Variants in CSMD2 observed in about 807,000 individuals in gnomAD.
CSMD2 encodes CUB and Sushi multiple domains 2.
Under a neutral mutation model 398.5 loss-of-function variants are expected in CSMD2, and 130 were observed. The ratio of observed to expected loss-of-function variants is 0.33; its 90% CI spans 0.28 to 0.38. The LOEUF is 0.38. Ranked by LOEUF, CSMD2 falls within the 10% of genes least tolerant of loss-of-function variation. The pLI is 1.00. For missense variants in CSMD2, 3,829 were observed against 4,764.9 expected (o/e 0.80, Z 5.78); for synonymous variants, 1,828 against 1,908.5 (o/e 0.96, Z 1.10).
intron 25 of CSMD2, among the ~76,000 whole-genome samples, chr1:33,665,667 A>G (rs570898305): frequency 1.3e-5 from 2 of 151,928 alleles, no homozygotes; most frequent in South Asian, 4.2e-4. Context: ...GATTCAAGCA[A>G]TCCTCCTGCC....
At chr1:34,088,288 G>C (rs1207229134) in intron 2 of CSMD2, among the ~76,000 whole-genome samples, 1 of 152,190 alleles carries the variant, frequency 6.6e-6, no homozygotes, top group Non-Finnish European at 1.5e-5. Flanking sequence ...CAAGGCTTGT[G>C]ACAGACCCTG....
At chr1:33,599,914 C>G in intron 44 of CSMD2, 1 of 525,612 alleles carries the variant, frequency 1.9e-6, no homozygotes, top group Non-Finnish European at 3.4e-6. Flanking sequence ...ACTGTATAGT[C>G]ACACCAGAGC....
chr1:34,145,854 C>A (rs771144), intron 1 of CSMD2, among the ~76,000 whole-genome samples: 108,727 of 151,980 alleles, frequency 0.72, 41,703 homozygotes, highest in Non-Finnish European at 0.84. Flanking sequence ...GTAGAACAAG[C>A]CCCCCATCAT....
Position 33,975,486 on chromosome 1 carries a change from T to TAC in CSMD2, c.518-39534_518-39533dup, listed in dbSNP as rs57095754. Among the ~76,000 whole-genome samples the TAC allele has an allele frequency of 4.2e-3, 619 of 146,452 alleles. 3 individuals are homozygous for TAC. The highest frequency in any genetic ancestry group is 6.0e-3 in the Non-Finnish European group (400 of 66,568). On this transcript the variant is annotated intron_variant, in intron 3 of 70. Transcript: ENST00000373381. Reference sequence around the variant, plus strand: ...CCACAGATCCTCCCTCTCCCAAGTGTACACACACACACACACACACACACA... The same window carrying TAC: ...CCACAGATCCTCCCTCTCCCAAGTGTACACACACACACACACACACACACACA...
chr1:33,945,583 A>G (rs1644814891), intron 3 of CSMD2, among the ~76,000 whole-genome samples: 1 of 152,152 alleles, frequency 6.6e-6, no homozygotes, highest in South Asian at 2.1e-4. Context: ...TTTGGGATAC[A>G]GCAAGATTGC....
chr1:34,099,188 T>G (rs918207831), intron 1 of CSMD2, among the ~76,000 whole-genome samples: 1 of 152,172 alleles, frequency 6.6e-6, no homozygotes, highest in African/African-American at 2.4e-5. Flanking sequence ...AGGTACCAGA[T>G]TTACTTTGCT....
At chr1:34,150,651 G>C (rs567945867) in intron 1 of CSMD2, among the ~76,000 whole-genome samples, 1 of 152,264 alleles carries the variant, frequency 6.6e-6, no homozygotes, top group South Asian at 2.1e-4. Flanking sequence ...TGCAGCTCAC[G>C]CTTGTAATCC....
At chr1:33,565,294 C>T (rs1289499073) in intron 53 of CSMD2, among the ~76,000 whole-genome samples, 1 of 152,022 alleles carries the variant, frequency 6.6e-6, no homozygotes, top group Non-Finnish European at 1.5e-5. Context: ...TGTGATTCTC[C>T]CTCATTGCTT....
intron 2 of CSMD2, among the ~76,000 whole-genome samples, chr1:34,055,057 G>A (rs1413052272): frequency 3.3e-5 from 5 of 152,126 alleles, no homozygotes; most frequent in African/African-American, 1.2e-4. Flanking sequence ...TGGAGCCCCT[G>A]GGTAGCTCTG....
At chr1:33,552,421 T>C (rs777508125) in intron 55 of CSMD2, among the ~76,000 whole-genome samples, 2 of 152,188 alleles carry the variant, frequency 1.3e-5, no homozygotes, top group Non-Finnish European at 2.9e-5. Context: ...CCCAAGAGAA[T>C]TGACAACGTG....
intron 12 of CSMD2, among the ~76,000 whole-genome samples, chr1:33,776,714 A>C (rs1652027861): frequency 6.6e-6 from 1 of 152,066 alleles, no homozygotes; most frequent in East Asian, 1.9e-4. Flanking sequence ...GAGAAATGGA[A>C]GACAACGGGG....
chr1:33,532,495 C>T (rs1022393049), intron 64 of CSMD2, among the ~76,000 whole-genome samples: 2 of 152,226 alleles, frequency 1.3e-5, no homozygotes, highest in African/African-American at 4.8e-5. Context: ...CCTTCCTCCT[C>T]ATTCCTACAG....
chr1:33,920,293 C>T (rs769625656), intron 4 of CSMD2, among the ~76,000 whole-genome samples: 7 of 151,352 alleles, frequency 4.6e-5, no homozygotes, highest in South Asian at 4.2e-4. Flanking sequence ...ATTTGGGAGG[C>T]CGAGGTGGGC....
chr1:33,845,883 C>T (rs1661305360), intron 6 of CSMD2, among the ~76,000 whole-genome samples: 1 of 152,254 alleles, frequency 6.6e-6, no homozygotes, highest in Non-Finnish European at 1.5e-5. Context: ...CCCTATGCTA[C>T]CTTGAGGGTG....
intron 11 of CSMD2, among the ~76,000 whole-genome samples, chr1:33,791,487 C>CA (rs1480142402): frequency 6.6e-6 from 1 of 151,436 alleles, no homozygotes; most frequent in East Asian, 1.9e-4. Context: ...CATTTCCTGA[C>CA]TTTTTTTTTC....
At position 33,547,343 on chromosome 1, in the gene CSMD2, C is replaced by T. The variant is rs78479700; in HGVS notation, c.8918-1124G>A. 2.0e-3 allele frequency among the ~76,000 whole-genome samples: 299 copies of T among 152,288 alleles called. 1 individual carries two copies. Among genetic ancestry groups the T allele is most frequent in the Non-Finnish European group, 3.1e-3 (208 of 68,032 alleles). On this transcript the variant is annotated intron_variant, in intron 56 of 70. Transcript: ENST00000373381. ...GAGATGTCCTTAGATCAGACCAGGC[C>T]ATGGTAAACATGAGGAAAGAGGAGA...
chr1:33,833,487 T>C (rs891797230), intron 6 of CSMD2, among the ~76,000 whole-genome samples: 5 of 148,636 alleles, frequency 3.4e-5, no homozygotes, highest in African/African-American at 1.0e-4. Flanking sequence ...AATTAGGTAT[T>C]GATGGGACGT....
intron 4 of CSMD2, among the ~76,000 whole-genome samples, chr1:33,920,284 T>C (rs1643891063): frequency 6.6e-6 from 1 of 151,484 alleles, no homozygotes; most frequent in South Asian, 2.1e-4. Flanking sequence ...ATCCCAGCAA[T>C]TTGGGAGGCC....
chr1:33,605,862 C>A (rs747287104), intron 41 of CSMD2: 3 of 1,612,168 alleles, frequency 1.9e-6, no homozygotes, highest in Admixed American at 1.7e-5. Context: ...TCTCATTGAA[C>A]CTTCACAACC....
Sources: allele counts gnomAD v4.1 joint callset (sites outside exome capture counted in the v4.1 genomes callset), GRCh38; gene constraint gnomAD v4.1.1; transcripts MANE v1.5; gene names NCBI Gene and HGNC (gene_info 2026-07-23, HGNC 2026-07-21).